The following GALNT4 variants were observed in gnomAD, a reference collection of about 807,000 sequenced individuals.
GALNT4 encodes UDP-GalNAc:polypeptide N-acetylgalactosaminyltransferase 4.
In GALNT4, 23 loss-of-function variants were observed where a neutral mutation model predicts 45.1. The observed-to-expected ratio is 0.51, with a 90% CI of 0.37 to 0.72. The LOEUF (loss-of-function observed/expected upper bound fraction) is 0.72. Among genes scored for constraint, GALNT4 ranks in the 30% least tolerant of loss-of-function variants. GALNT4 has a pLI of 0.00. For missense variants in GALNT4, 757 were observed against 709.0 expected, an observed-to-expected ratio of 1.07 and a Z score of -0.77; for synonymous variants, 264 against 257.6, an observed-to-expected ratio of 1.02 and a Z score of -0.24.
In GALNT4 at chr12:89,523,467, G is replaced by A. The variant is rs762987031; in HGVS notation, c.1083C>T (p.Gly361=). 10 of 1,613,912 alleles carry A rather than the reference G, an allele frequency of 6.2e-6. No individual in the cohort carries two copies. Among genetic ancestry groups the A allele is most frequent in the Non-Finnish European group, 8.5e-6 (10 of 1,179,936 alleles). Residue 361 remains glycine, a synonymous_variant, in exon 1 of 1, where the codon GGC becomes GGT. Coordinates refer to ENST00000529983, the MANE Select transcript of GALNT4 (RefSeq NM_003774.5). The stretch of plus-strand genomic sequence containing the variant: ...ATGGTGCCCGCTTGGGGAACACATG[G>A]CCCACGTGGGAACACGGGTGGATCT... ...KLEIHPCSHV[G]HVFPKRAPYA...
Position 89,523,622 on chromosome 12 carries a change from C to G in GALNT4, c.928G>C (p.Ala310Pro). ...RIDPIRSPTM[A>P]GGLFAVSKKY... is the part of the protein sequence containing the mutation. ...TTGCTGACAGCAAACAGTCCTCCAG[C>G]CATGGTAGGTGATCTGATGGGGTCA... Residue 310 changes from alanine to proline, a missense_variant, in exon 1 of 1, where the codon GCT becomes CCT. Physicochemically the swap from Ala to Pro is conservative, Grantham distance 27. Transcript: ENST00000529983. 6.5e-7 allele frequency: 1 copy of G among 1,548,702 alleles called. No individual in the cohort carries two copies. Among genetic ancestry groups the G allele is most frequent in the Non-Finnish European group, 8.7e-7 (1 of 1,152,734 alleles).
rs1400707518 is a variant in GALNT4 at position 89,521,799 on chromosome 12, T to C, written c.*1014A>G. Reference sequence around the variant, plus strand: ...ATTCACAATTGCCAAGGCAGTCTTTTTTCCTTGCATTTTTAAGATAAATTC... The same window carrying C: ...ATTCACAATTGCCAAGGCAGTCTTTCTTCCTTGCATTTTTAAGATAAATTC... On this transcript the variant is annotated 3_prime_UTR_variant, in exon 1 of 1. Coordinates refer to ENST00000529983, the MANE Select transcript of GALNT4 (RefSeq NM_003774.5). 1.8e-5 allele frequency: 7 copies of C among 390,250 alleles called. No individual in the cohort carries two copies. Among genetic ancestry groups the C allele is most frequent in the Admixed American group, 8.9e-5 (2 of 22,452 alleles). 24.2% of individuals were successfully genotyped at this position (390,250 alleles called of 1,614,324 possible). A position where few individuals can be genotyped will look rare whatever the true frequency, so the allele number is the denominator to read the frequency against.
Position 89,523,962 on chromosome 12 carries a change from T to C in GALNT4, c.588A>G (p.Val196=), listed in dbSNP as rs1290062573. The change falls in exon 1 of 1, where the codon GTA becomes GTG. Residue 196 remains valine, a synonymous_variant. Transcript: ENST00000529983. ...LETYISNLDR[V]RLIRTNKREG... is the part of the protein sequence containing the mutation. Reference sequence around the variant, plus strand: ...CTCGCTTATTGGTCCTAATCAAGCGTACTCTATCAAGATTGCTGATGTAAG... The same window carrying C: ...CTCGCTTATTGGTCCTAATCAAGCGCACTCTATCAAGATTGCTGATGTAAG... The C allele has an allele frequency of 3.1e-6, 5 of 1,613,740 alleles. No individual in the cohort carries two copies. The highest frequency in any genetic ancestry group is 1.7e-5 in the Admixed American group (1 of 59,970).
rs758512761 is a variant in GALNT4 at position 89,522,983 on chromosome 12, AC to A, written c.1566del (p.Phe523SerfsTer40). ...CAAATAATGTTTGCTGGTACAGGGAACCCATCTTTGGGACAATTTTGCATTC... is the reference window on the plus strand; with the variant it reads ...CAAATAATGTTTGCTGGTACAGGGAACCATCTTTGGGACAATTTTGCATTC... ...YVGMQNCPKDGFPVPANIIWH... is the reference protein window; with the variant it reads ...YVGMQNCPKDXFPVPANIIWH... On this transcript the variant is annotated frameshift_variant, in exon 1 of 1. Coordinates refer to ENST00000529983, the MANE Select transcript of GALNT4 (RefSeq NM_003774.5). LOFTEE classifies it high-confidence loss of function. The A allele has an allele frequency of 6.2e-7, 1 of 1,614,034 alleles. No homozygotes were observed. The highest frequency in any genetic ancestry group is 1.1e-5 in the South Asian group (1 of 91,072).
Position 89,523,329 on chromosome 12 carries a change from A to G in GALNT4, c.1221T>C (p.Gly407=). 1 of 1,614,024 alleles carries G rather than the reference A, an allele frequency of 6.2e-7. No homozygotes were observed. Among genetic ancestry groups the G allele is most frequent in the South Asian group, 1.1e-5 (1 of 91,080 alleles). ...RNPPARKEAY[G]DISERKLLRE... ...GTAGTAATTTTCTTTCAGAAATATC[A>G]CCATAAGCTTCTTTTCTTGCTGGAG... The change falls in exon 1 of 1, where the codon GGT becomes GGC. Residue 407 remains glycine (G), a synonymous_variant. Transcript: ENST00000529983.
Position 89,523,905 on chromosome 12 carries a change from G to A in GALNT4, c.645C>T (p.Ala215=). ...EGLVRARLIG[A]TFATGDVLTF... ...TGAGGACGTCCCCAGTGGCGAAAGT[G>A]GCCCCAATCAGACGGGCCCTAACCA... Residue 215 remains alanine, a synonymous_variant, in exon 1 of 1, where the codon GCC becomes GCT. Coordinates refer to ENST00000529983, the MANE Select transcript of GALNT4 (RefSeq NM_003774.5). 6.3e-7 allele frequency: 1 copy of A among 1,592,514 alleles called. No individual in the cohort carries two copies. Among genetic ancestry groups the A allele is most frequent in the South Asian group, 1.1e-5 (1 of 87,430 alleles).
Position 89,523,668 on chromosome 12 carries a change from C to G in GALNT4, c.882G>C (p.Arg294Ser), listed in dbSNP as rs1418445777. ...GGTCAATTCTTGATATCCGCCTGTC[C>G]CTTTCCTGTTTGGGGACAGAATGCC... The part of the protein sequence containing the change: ...FQWHSVPKQE[R>S]DRRISRIDPI... The change falls in exon 1 of 1, where the codon AGG becomes AGC. Residue 294 changes from arginine (R) to serine (S), a missense_variant. Transcript: ENST00000529983. 1 of 1,538,170 alleles carries G rather than the reference C, an allele frequency of 6.5e-7. No homozygotes were observed. Among genetic ancestry groups the G allele is most frequent in the Admixed American group, 2.2e-5 (1 of 45,766 alleles).
chr12:89,522,588 T>C lies in GALNT4; in HGVS notation c.*225A>G. 1 of 431,710 alleles carries C rather than the reference T, an allele frequency of 2.3e-6. No homozygotes were observed. The highest frequency in any genetic ancestry group is 3.9e-6 in the Non-Finnish European group (1 of 254,484). 26.7% of individuals were successfully genotyped at this position (431,710 alleles called of 1,614,324 possible). On this transcript the variant is annotated 3_prime_UTR_variant, in exon 1 of 1. Transcript: ENST00000529983. ...GAAGAGACCATATTGACAAAACTCT[T>C]ATATAAAACAACCAATAAGTAAGGC...
In GALNT4 at chr12:89,522,762, T is replaced by C; in HGVS notation, c.*51A>G. 6.6e-7 allele frequency: 1 copy of C among 1,520,952 alleles called. No homozygotes were observed. Among genetic ancestry groups the C allele is most frequent in the South Asian group, 1.4e-5 (1 of 73,826 alleles). The allele number at this position is 1,520,952 out of a possible 1,614,324, so 94.2% of individuals were successfully genotyped here. On this transcript the variant is annotated 3_prime_UTR_variant, in exon 1 of 1. Transcript: ENST00000529983. ...ATCTTCACTGAGGCTCTTAAGGCTC[T>C]TTGACTTTCTTGACACTACTGTCAG...
In GALNT4 at chr12:89,523,626, G is replaced by A. The variant is rs753337290; in HGVS notation, c.924C>T (p.Thr308=). 3.9e-6 allele frequency: 6 copies of A among 1,547,640 alleles called. No individual in the cohort carries two copies. The highest frequency in any genetic ancestry group is 1.3e-5 in the South Asian group (1 of 77,674). The part of the protein sequence containing the change: ...ISRIDPIRSP[T]MAGGLFAVSK... ...TGACAGCAAACAGTCCTCCAGCCAT[G>A]GTAGGTGATCTGATGGGGTCAATTC... The change falls in exon 1 of 1, where the codon ACC becomes ACT. Residue 308 remains threonine, a synonymous_variant. Coordinates refer to ENST00000529983, the MANE Select transcript of GALNT4 (RefSeq NM_003774.5).
Position 89,522,204 on chromosome 12 carries a change from C to CA in GALNT4, c.*608dup. 1 of 398,602 alleles carries CA rather than the reference C, an allele frequency of 2.5e-6. No individual in the cohort carries two copies. The highest frequency in any genetic ancestry group is 4.4e-6 in the Non-Finnish European group (1 of 226,026). 24.7% of individuals were successfully genotyped at this position (398,602 alleles called of 1,614,324 possible). A position where few individuals can be genotyped will look rare whatever the true frequency, so the allele number is the denominator to read the frequency against. The stretch of plus-strand genomic sequence containing the variant: ...TTTCATTTAAATATGGGTATGTCTG[C>CA]ATGTTAAAAAGGCCTCCAAACTCAC... On this transcript the variant is annotated 3_prime_UTR_variant, in exon 1 of 1. Coordinates refer to ENST00000529983, the MANE Select transcript of GALNT4 (RefSeq NM_003774.5).
In GALNT4 at chr12:89,522,333, A is replaced by G. The variant is rs1870956515; in HGVS notation, c.*480T>C. 1 of 396,300 alleles carries G rather than the reference A, an allele frequency of 2.5e-6. No homozygotes were observed. 24.5% of individuals were successfully genotyped at this position (396,300 alleles called of 1,614,324 possible). ...TTAGAAAAAAATTAGATTAAAAAAT[A>G]AAATCTAAAATTTAATGTGCTGGCT... On this transcript the variant is annotated 3_prime_UTR_variant, in exon 1 of 1. Coordinates refer to ENST00000529983, the MANE Select transcript of GALNT4 (RefSeq NM_003774.5).
Position 89,524,349 on chromosome 12 carries a change from G to C in GALNT4, c.201C>G (p.Pro67=). 6.2e-7 allele frequency: 1 copy of C among 1,613,976 alleles called. No individual in the cohort carries two copies. The highest frequency in any genetic ancestry group is 1.3e-5 in the African/African-American group (1 of 75,010). ...EDLSRPLYKK[P]PADSRALGEW... ...CCCCAAGTGCACGGGAATCTGCAGG[G>C]GGCTTCTTATAAAGCGGTCGAGACA... The change falls in exon 1 of 1, where the codon CCC becomes CCG. Residue 67 remains proline (P), a synonymous_variant. Transcript: ENST00000529983.
Position 89,524,142 on chromosome 12 carries a change from G to A in GALNT4, c.408C>T (p.Thr136=). The A allele has an allele frequency of 6.2e-7, 1 of 1,613,954 alleles. No homozygotes were observed. Among genetic ancestry groups the A allele is most frequent in the Non-Finnish European group, 8.5e-7 (1 of 1,179,878 alleles). The change falls in exon 1 of 1, where the codon ACC becomes ACT. Residue 136 remains threonine, a synonymous_variant. Coordinates refer to ENST00000529983, the MANE Select transcript of GALNT4 (RefSeq NM_003774.5). ...SQKFNYRTLP[T]TSVIIAFYNE... ...TATAGAAAGCAATGATAACAGAGGT[G>A]GTAGGAAGTGTCCTATAGTTGAACT...
At position 89,523,633 on chromosome 12, in the gene GALNT4, G is replaced by A; in HGVS notation, c.917C>T (p.Ser306Leu). 2 of 1,542,394 alleles carry A rather than the reference G, an allele frequency of 1.3e-6. No individual in the cohort carries two copies. The highest frequency in any genetic ancestry group is 1.7e-6 in the Non-Finnish European group (2 of 1,149,976). ...AAACAGTCCTCCAGCCATGGTAGGT[G>A]ATCTGATGGGGTCAATTCTTGATAT... ...RRISRIDPIR[S>L]PTMAGGLFAV... is the part of the protein sequence containing the mutation. Residue 306 changes from serine to leucine, a missense_variant, in exon 1 of 1, where the codon TCA becomes TTA. Transcript: ENST00000529983.
At position 89,523,667 on chromosome 12, in the gene GALNT4, C is replaced by G; in HGVS notation, c.883G>C (p.Asp295His). 1 of 1,538,306 alleles carries G rather than the reference C, an allele frequency of 6.5e-7. No homozygotes were observed. The highest frequency in any genetic ancestry group is 8.7e-7 in the Non-Finnish European group (1 of 1,148,936). The change falls in exon 1 of 1, where the codon GAC becomes CAC. Residue 295 changes from aspartate (D) to histidine (H), a missense_variant. Asp to His is a moderately conservative substitution (Grantham distance 81). Coordinates refer to ENST00000529983, the MANE Select transcript of GALNT4 (RefSeq NM_003774.5). ...QWHSVPKQERDRRISRIDPIR... is the reference protein window; with the variant it reads ...QWHSVPKQERHRRISRIDPIR... Reference sequence around the variant, plus strand: ...GGGTCAATTCTTGATATCCGCCTGTCCCTTTCCTGTTTGGGGACAGAATGC... The same window carrying G: ...GGGTCAATTCTTGATATCCGCCTGTGCCTTTCCTGTTTGGGGACAGAATGC...
At position 89,521,965 on chromosome 12, in the gene GALNT4, T is replaced by C. The variant is rs865914631; in HGVS notation, c.*848A>G. The C allele has an allele frequency of 4.8e-5, 19 of 398,986 alleles. No individual in the cohort carries two copies. Among genetic ancestry groups the C allele is most frequent in the Non-Finnish European group, 7.5e-5 (17 of 226,050 alleles). The allele number at this position is 398,986 out of a possible 1,614,324, so 24.7% of individuals were successfully genotyped here. Reference sequence around the variant, plus strand: ...TTCAATTGTGTTTACTTTAAATGATTAAGCATTAACAAAGGGAGGCATAGT... The same window carrying C: ...TTCAATTGTGTTTACTTTAAATGATCAAGCATTAACAAAGGGAGGCATAGT... On this transcript the variant is annotated 3_prime_UTR_variant, in exon 1 of 1. Coordinates refer to ENST00000529983, the MANE Select transcript of GALNT4 (RefSeq NM_003774.5).
chr12:89,524,207 G>T lies in GALNT4; in HGVS notation c.343C>A (p.His115Asn), dbSNP rs764723686. Residue 115 changes from histidine (H) to asparagine (N), a missense_variant, in exon 1 of 1, where the codon CAC becomes AAC. Transcript: ENST00000529983. ...TCATACATTCTTTTATCCTCTATGT[G>T]TCGATGCAGGGAAATCCTGTCACTG... Reference protein sequence around the residue: ...YLSDRISLHRHIEDKRMYECK... With the variant: ...YLSDRISLHRNIEDKRMYECK... 1.2e-6 allele frequency: 2 copies of T among 1,614,010 alleles called. No homozygotes were observed. Among genetic ancestry groups the T allele is most frequent in the Non-Finnish European group, 1.7e-6 (2 of 1,179,902 alleles).
chr12:89,520,315 G>A lies in GALNT4; in HGVS notation c.*2498C>T, dbSNP rs1436858484. ...ATCAAGATACTAAAATAAAAATAAT[G>A]TAATAAGTACTTTCAAAATATAACA... is the stretch of plus-strand genomic sequence containing the variant. On this transcript the variant is annotated 3_prime_UTR_variant, in exon 1 of 1. Coordinates refer to ENST00000529983, the MANE Select transcript of GALNT4 (RefSeq NM_003774.5). The A allele has an allele frequency of 1.3e-5, 2 of 151,988 alleles. No individual in the cohort carries two copies. The highest frequency in any genetic ancestry group is 6.6e-5 in the Admixed American group (1 of 15,258). 9.4% of individuals were successfully genotyped at this position (151,988 alleles called of 1,614,324 possible). A position where few individuals can be genotyped will look rare whatever the true frequency, so the allele number is the denominator to read the frequency against.
Sources: allele counts gnomAD v4.1 joint callset, GRCh38; gene constraint gnomAD v4.1.1; transcripts MANE v1.5; gene names NCBI Gene and HGNC (gene_info 2026-07-23, HGNC 2026-07-21).